The following SMIM36 variants were observed in gnomAD, a reference collection of about 807,000 sequenced individuals.
SMIM36 encodes small integral membrane protein 36.
chr17:55,457,311 C>A (rs1909041804), intron 4 of SMIM36, among the ~76,000 whole-genome samples: 1 of 151,462 alleles, frequency 6.6e-6, no homozygotes, highest in South Asian at 2.1e-4. Flanking sequence ...ATTAGCTGGG[C>A]ATGGTGGTGT....
intron 1 of SMIM36, among the ~76,000 whole-genome samples, chr17:55,490,585 C>T (rs1909684972): frequency 6.6e-6 from 1 of 152,098 alleles, no homozygotes; most frequent in African/African-American, 2.4e-5. Context: ...CCAAATCTGC[C>T]GTATGGTCTC....
chr17:55,489,132 C>T (rs908192495), intron 1 of SMIM36, among the ~76,000 whole-genome samples: 9 of 152,182 alleles, frequency 5.9e-5, no homozygotes, highest in African/African-American at 1.4e-4. Flanking sequence ...AATCCCAGCA[C>T]GTTGGGAGTC....
chr17:55,480,322 C>A (rs557140108), intron 1 of SMIM36, among the ~76,000 whole-genome samples: 1 of 151,278 alleles, frequency 6.6e-6, no homozygotes, highest in African/African-American at 2.4e-5. Flanking sequence ...TTTGGAAGCA[C>A]AAAGACAATT....
chr17:55,464,900 C>T (rs1026668753), intron 4 of SMIM36, among the ~76,000 whole-genome samples: 9 of 152,148 alleles, frequency 5.9e-5, no homozygotes, highest in African/African-American at 2.2e-4. Context: ...TATCTTTAGT[C>T]CATAGTTCTT....
At chr17:55,527,157 G>A in the SMIM36 span, 1 of 152,108 alleles carries the variant, frequency 6.6e-6, no homozygotes, top group Non-Finnish European at 1.5e-5. Flanking sequence ...TCATGTTATT[G>A]ACCATCTTCA....
At chr17:55,528,605 T>G in the SMIM36 span, among the ~76,000 whole-genome samples, 1 of 150,324 alleles carries the variant, frequency 6.7e-6, no homozygotes, top group East Asian at 2.0e-4. Flanking sequence ...CAGGCTGGAG[T>G]GCAGTGGCAC....
intron 1 of SMIM36, among the ~76,000 whole-genome samples, chr17:55,500,612 G>GT (rs1282011169): frequency 2.7e-5 from 4 of 150,410 alleles, no homozygotes; most frequent in East Asian, 3.9e-4. Flanking sequence ...AGTATTTTTA[G>GT]TTTTTTCCGA....
rs183697041 is a variant in SMIM36 at position 55,454,790 on chromosome 17, T to C, written c.*532-4492A>G. Among the ~76,000 whole-genome samples the C allele has an allele frequency of 1.6e-3, 237 of 152,270 alleles. 1 individual carries two copies. The highest frequency in any genetic ancestry group is 5.4e-3 in the African/African-American group (226 of 41,550). ...GGAAAACATAATACAGAAGGTAAAATAATCAAAACAAATTTAAAATCTTCA... is the reference window on the plus strand; with the variant it reads ...GGAAAACATAATACAGAAGGTAAAACAATCAAAACAAATTTAAAATCTTCA... On this transcript the variant is annotated intron_variant, in intron 4 of 4. Coordinates refer to ENST00000636752, the Ensembl canonical transcript of SMIM36.
intron 1 of SMIM36, among the ~76,000 whole-genome samples, chr17:55,492,861 T>G (rs1009911037): frequency 2.6e-5 from 4 of 152,160 alleles, no homozygotes; most frequent in African/African-American, 4.8e-5. Context: ...TTGGGGACAA[T>G]AAGTTTGTTA....
intron 3 of SMIM36, among the ~76,000 whole-genome samples, chr17:55,467,541 C>T (rs1357355178): frequency 1.3e-5 from 2 of 152,002 alleles, no homozygotes; most frequent in Non-Finnish European, 2.9e-5. Flanking sequence ...GGACTACAGG[C>T]GCCGGCCACC....
At chr17:55,462,117 G>T (rs1382117252) in intron 4 of SMIM36, among the ~76,000 whole-genome samples, 2 of 152,138 alleles carry the variant, frequency 1.3e-5, no homozygotes, top group Non-Finnish European at 2.9e-5. Flanking sequence ...TATGGCCTTG[G>T]ATTAAATCTT....
intron 1 of SMIM36, among the ~76,000 whole-genome samples, chr17:55,483,797 G>T (rs1005488538): frequency 1.3e-5 from 2 of 152,078 alleles, no homozygotes; most frequent in Admixed American, 1.3e-4. Context: ...GCTAATTTTT[G>T]TATTTTGAGT....
intron 1 of SMIM36, among the ~76,000 whole-genome samples, chr17:55,481,048 CTCTGTCTCTT>C: frequency 6.6e-6 from 1 of 152,038 alleles, no homozygotes; most frequent in African/African-American, 2.4e-5. Context: ...TATTCTCTCT[CTCTGTCTCTT>C]TCTGTCTCTG....
intron 3 of SMIM36, among the ~76,000 whole-genome samples, chr17:55,475,218 C>T (rs112297593): frequency 1.2e-3 from 181 of 152,246 alleles, no homozygotes; most frequent in African/African-American, 3.9e-3. Context: ...TTTACACTGC[C>T]GGTTTACACT....
intron 3 of SMIM36, among the ~76,000 whole-genome samples, chr17:55,475,249 C>A (rs900612616): frequency 6.6e-6 from 1 of 152,192 alleles, no homozygotes; most frequent in Admixed American, 6.5e-5. Context: ...ACCATCGTAG[C>A]GGATATCTCC....
chr17:55,529,302 A>C, the SMIM36 span, among the ~76,000 whole-genome samples: 25 of 152,306 alleles, frequency 1.6e-4, no homozygotes, highest in South Asian at 3.7e-3. Flanking sequence ...ACAACTCATA[A>C]TTAATTTACC....
upstream of SMIM36, among the ~76,000 whole-genome samples, chr17:55,512,083 T>C (rs716391): frequency 0.23 from 35,703 of 151,956 alleles, 5,756 homozygotes; most frequent in African/African-American, 0.42. Flanking sequence ...AAGGGACAAA[T>C]AGAGGGTAAG....
intron 2 of SMIM36, 81 bp downstream of exon 2, chr17:55,479,379 T>A (rs1426034451): frequency 6.6e-6 from 1 of 152,016 alleles, no homozygotes; most frequent in Non-Finnish European, 1.5e-5. Context: ...GAGGTCAGGA[T>A]TTTGAGACCA....
At chr17:55,469,754 C>T (rs575242398) in intron 3 of SMIM36, among the ~76,000 whole-genome samples, 21 of 152,216 alleles carry the variant, frequency 1.4e-4, no homozygotes, top group African/African-American at 4.1e-4. Flanking sequence ...CCGAGGTAGG[C>T]GGATCATGAG....
Sources: gnomAD v4.1 joint callset for allele counts (sites outside exome capture counted in the v4.1 genomes callset) on GRCh38, gnomAD v4.1.1 for gene constraint, MANE v1.5 for transcripts, NCBI Gene and HGNC (gene_info 2026-07-23, HGNC 2026-07-21) for gene names.